Variants in FOXN3 observed in about 807,000 individuals in gnomAD.
FOXN3 encodes forkhead box protein N3.
FOXN3 carries 7 observed loss-of-function variants against 38.4 expected under a neutral mutation model. That is an observed-to-expected ratio of 0.18 (90% CI 0.10 to 0.34). The LOEUF (loss-of-function observed/expected upper bound fraction) is 0.34. FOXN3 is among the 10% of genes least tolerant of loss of function. The probability of loss-of-function intolerance (pLI) is 1.00; values close to 1 mark genes in which losing one functional copy is unlikely to be tolerated. For missense variants in FOXN3, 456 were observed against 613.4 expected (o/e 0.74, Z 2.71); for synonymous variants, 230 against 242.2 (o/e 0.95, Z 0.47).
chr14:89,440,247 C>A (rs1020228870), intron 1 of FOXN3, among the ~76,000 whole-genome samples: 5 of 152,174 alleles, frequency 3.3e-5, no homozygotes, highest in African/African-American at 1.2e-4. Flanking sequence ...CTTCTCTGAT[C>A]TAGGGGTGCT....
At chr14:89,449,323 A>C (rs117920657) in intron 1 of FOXN3, among the ~76,000 whole-genome samples, 14 of 152,308 alleles carry the variant, frequency 9.2e-5, no homozygotes, top group Non-Finnish European at 1.3e-4. Flanking sequence ...CTTCAAAATC[A>C]ATTAATATGA....
chr14:89,317,888 GA>G (rs1462638622), intron 3 of FOXN3, among the ~76,000 whole-genome samples: 1 of 149,746 alleles, frequency 6.7e-6, no homozygotes, highest in African/African-American at 2.5e-5. Flanking sequence ...ACCCTACTGT[GA>G]ACTGCACATG....
intron 1 of FOXN3, among the ~76,000 whole-genome samples, chr14:89,538,553 T>C (rs1248025131): frequency 1.3e-5 from 2 of 152,214 alleles, no homozygotes; most frequent in African/African-American, 4.8e-5. Context: ...AGTTTTGCCT[T>C]TGTTGCCCAG....
rs1209460115 is a variant in FOXN3 at position 89,362,789 on chromosome 14, CCAT to C, written c.544-11984_544-11982del. Reference sequence around the variant, plus strand: ...ACCACCACCACCACCACCACCACCACCATCTCCACCACCACCTCCACCACCACC... The same window carrying C: ...ACCACCACCACCACCACCACCACCACCTCCACCACCACCTCCACCACCACC... On this transcript the variant is annotated intron_variant, in intron 2 of 5. Coordinates refer to ENST00000557258, the MANE Select transcript of FOXN3 (RefSeq NM_005197.4). Among the ~76,000 whole-genome samples, 947 of 117,652 alleles carry C rather than the reference CCAT, an allele frequency of 8.0e-3. 132 individuals carry two copies. The highest frequency in any genetic ancestry group is 0.012 in the Non-Finnish European group (628 of 52,280). 77.2% of individuals were successfully genotyped at this position (117,652 alleles called of 152,430 possible). A position where few individuals can be genotyped will look rare whatever the true frequency, so the allele number is the denominator to read the frequency against.
At chr14:89,610,706 C>T (rs1162161325) in intron 1 of FOXN3, among the ~76,000 whole-genome samples, 1 of 152,186 alleles carries the variant, frequency 6.6e-6, no homozygotes, top group Non-Finnish European at 1.5e-5. Flanking sequence ...ATGAGAATTA[C>T]AGAACAGGGG....
chr14:89,440,299 T>C lies in FOXN3; in HGVS notation c.-14-27809A>G, dbSNP rs193253406. 7.2e-4 allele frequency among the ~76,000 whole-genome samples: 109 copies of C among 152,242 alleles called. 1 individual carries two copies. The highest frequency in any genetic ancestry group is 1.1e-3 in the Non-Finnish European group (74 of 68,024). Reference sequence around the variant, plus strand: ...GCAGCAGCAGCCTCCTGGTAACCTTTATAGGCCTTGGGGATACCAGAATAT... The same window carrying C: ...GCAGCAGCAGCCTCCTGGTAACCTTCATAGGCCTTGGGGATACCAGAATAT... On this transcript the variant is annotated intron_variant, in intron 1 of 6. Transcript: ENST00000345097.
intron 4 of FOXN3, among the ~76,000 whole-genome samples, chr14:89,182,323 C>A (rs1467893927): frequency 6.6e-6 from 1 of 152,182 alleles, no homozygotes; most frequent in East Asian, 1.9e-4. Flanking sequence ...GCATTCTGCA[C>A]TTCTTGCTAA....
intron 4 of FOXN3, among the ~76,000 whole-genome samples, chr14:89,279,096 G>GA (rs58667858): frequency 0.07 from 10,511 of 150,658 alleles, 660 homozygotes; most frequent in African/African-American, 0.15. Flanking sequence ...AAACATCACA[G>GA]AAAAAAAAAT....
chr14:89,225,435 T>C (rs1884606347), intron 4 of FOXN3, among the ~76,000 whole-genome samples: 1 of 151,388 alleles, frequency 6.6e-6, no homozygotes, highest in South Asian at 2.1e-4. Context: ...AAACCCCGTC[T>C]CTACTAAAAG....
At chr14:89,303,782 A>G (rs2139949716) in intron 3 of FOXN3, among the ~76,000 whole-genome samples, 1 of 152,340 alleles carries the variant, frequency 6.6e-6, no homozygotes, top group East Asian at 1.9e-4. Context: ...GCATCTATAC[A>G]TCGCCTTCTT....
intron 3 of FOXN3, among the ~76,000 whole-genome samples, chr14:89,282,214 C>T (rs1212250729): frequency 1.3e-5 from 2 of 152,186 alleles, no homozygotes; most frequent in Non-Finnish European, 2.9e-5. Context: ...TGCTATCCCA[C>T]ATCAAAATCA....
intron 5 of FOXN3, among the ~76,000 whole-genome samples, chr14:89,180,236 G>A (rs1269846986): frequency 2.0e-5 from 3 of 152,174 alleles, no homozygotes; most frequent in African/African-American, 4.8e-5. Flanking sequence ...TATAGACCAC[G>A]TACCAAAGCT....
intron 1 of FOXN3, among the ~76,000 whole-genome samples, chr14:89,436,847 A>G (rs1329526233): frequency 6.6e-6 from 1 of 152,176 alleles, no homozygotes; most frequent in Non-Finnish European, 1.5e-5. Context: ...TTATCACTGA[A>G]CTTAAAAGTA....
At chr14:89,260,381 C>A (rs1008302394) in intron 4 of FOXN3, among the ~76,000 whole-genome samples, 1 of 152,258 alleles carries the variant, frequency 6.6e-6, no homozygotes, top group Admixed American at 6.5e-5. Flanking sequence ...CCGACCACTG[C>A]GGCAGCCTGC....
intron 1 of FOXN3, among the ~76,000 whole-genome samples, chr14:89,563,152 T>G (rs1024619809): frequency 6.6e-6 from 1 of 152,226 alleles, no homozygotes; most frequent in Non-Finnish European, 1.5e-5. Context: ...AATGCAGATG[T>G]CACAACGATG....
chr14:89,231,543 T>C (rs1003103829), intron 4 of FOXN3, among the ~76,000 whole-genome samples: 3 of 151,988 alleles, frequency 2.0e-5, no homozygotes, highest in African/African-American at 7.3e-5. Flanking sequence ...AGGGATATGA[T>C]CTGATTTGCC....
chr14:89,162,145 C>T lies in FOXN3; in HGVS notation c.*269G>A. The T allele has an allele frequency of 3.4e-6, 1 of 294,412 alleles. No homozygotes were observed. The highest frequency in any genetic ancestry group is 6.2e-6 in the Non-Finnish European group (1 of 161,642). 18.2% of individuals were successfully genotyped at this position (294,412 alleles called of 1,614,324 possible). On this transcript the variant is annotated 3_prime_UTR_variant, in exon 6 of 6. Coordinates refer to ENST00000557258, the MANE Select transcript of FOXN3 (RefSeq NM_005197.4). This position sits in a 1 kb window ranked among gnomAD's most constrained non-coding sequence, Gnocchi z 7.2. ...GTAATTTTGGCTTTTTCGGTTTTGTCTTCAGATAATGAAAAGCTTTTGTAA... is the reference window on the plus strand; with the variant it reads ...GTAATTTTGGCTTTTTCGGTTTTGTTTTCAGATAATGAAAAGCTTTTGTAA...
chr14:89,445,150 T>A (rs4904581), intron 1 of FOXN3, among the ~76,000 whole-genome samples: 130,515 of 149,962 alleles, frequency 0.87, 56,825 homozygotes, highest in East Asian at 1. Context: ...TAAAATAAAA[T>A]AAAAAAAAGT....
chr14:89,462,176 C>A (rs1296563237), intron 1 of FOXN3, among the ~76,000 whole-genome samples: 1 of 152,216 alleles, frequency 6.6e-6, no homozygotes, highest in Non-Finnish European at 1.5e-5. Context: ...GAAGGGCAAC[C>A]TTGATGGGCT....
Sources: allele counts gnomAD v4.1 joint callset (sites outside exome capture counted in the v4.1 genomes callset), GRCh38; gene constraint gnomAD v4.1.1; non-coding constraint Gnocchi (gnomAD v3.1); transcripts MANE v1.5; gene names NCBI Gene and HGNC (gene_info 2026-07-23, HGNC 2026-07-21).